Variants in FBN1 observed in about 807,000 individuals in gnomAD.
FBN1 encodes fibrillin 1, also known as fibrillin-1.
FBN1 carries 29 observed loss-of-function variants against 365.1 expected under a neutral mutation model. That is an observed-to-expected ratio of 0.08 (90% confidence interval 0.06 to 0.11). The LOEUF (loss-of-function observed/expected upper bound fraction) is 0.11. Among genes scored for constraint, FBN1 ranks in the 10% least tolerant of loss-of-function variants. FBN1 has a pLI of 1.00. For synonymous variants in FBN1, 1,210 were observed against 1,270.5 expected (o/e 0.95, Z 1.01); for missense variants, 2,476 against 3,703.2 (o/e 0.67, Z 8.60).
chr15:48,435,137 G>C (rs368312743), intron 53 of FBN1, among the ~76,000 whole-genome samples: 18 of 152,232 alleles, frequency 1.2e-4, no homozygotes, highest in African/African-American at 4.1e-4. Flanking sequence ...CTTGCAAAAA[G>C]GGAGTGTGCA....
At chr15:48,435,782 G>GTATATATA (rs1178694998) in intron 53 of FBN1, among the ~76,000 whole-genome samples, 789 of 70,328 alleles carry the variant, frequency 0.011, 11 homozygotes, top group African/African-American at 0.028. Flanking sequence ...ATGTGTGTGT[G>GTATATATA]TGTGTGTGTG....
chr15:48,489,974 C>T lies in FBN1; in HGVS notation c.2959G>A (p.Ala987Thr). The T allele has an allele frequency of 6.2e-7, 1 of 1,614,124 alleles. No homozygotes were observed. The highest frequency in any genetic ancestry group is 8.5e-7 in the Non-Finnish European group (1 of 1,180,022). The change falls in exon 25 of 66, where the codon GCC becomes ACC. Residue 987 changes from alanine (A) to threonine (T), a missense_variant. Ala to Thr is a moderately conservative substitution (Grantham distance 58). This residue lies in a region of FBN1 where 1,780 missense variants were observed against 2,840.8 expected (regional missense o/e 0.63). Transcript: ENST00000316623. ...MDACCCSVGA[A>T]WGTEECEECP... The stretch of plus-strand genomic sequence containing the variant: ...TCCTCGCATTCCTCAGTACCCCAGG[C>T]TGCCCCGACGGAGCAGCAGCAGGCG...
rs143007898 is a variant in FBN1, at chr15:48,411,243, G to C, written c.8363C>G (p.Thr2788Arg). The change falls in exon 66 of 66, where the codon ACG becomes AGG. Residue 2788 changes from threonine to arginine, a missense_variant. Transcript: ENST00000316623. Reference sequence around the variant, plus strand: ...TTCGATCAAGTATCTGTTGTGATTCGTCAGAGTTGTAAGAGCTGGAAGGAG... The same window carrying C: ...TTCGATCAAGTATCTGTTGTGATTCCTCAGAGTTGTAAGAGCTGGAAGGAG... Reference protein sequence around the residue: ...LELLPALTTLTNHNRYLIESG... With the variant: ...LELLPALTTLRNHNRYLIESG... 6.2e-7 allele frequency: 1 copy of C among 1,614,010 alleles called. No homozygotes were observed. Among genetic ancestry groups the C allele is most frequent in the South Asian group, 1.1e-5 (1 of 91,078 alleles).
intron 30 of FBN1, among the ~76,000 whole-genome samples, chr15:48,484,588 C>T (rs2043491038): frequency 1.3e-5 from 2 of 152,194 alleles, no homozygotes; most frequent in South Asian, 4.1e-4. Flanking sequence ...TCAGGCTGGT[C>T]TTGAACTCCT....
intron 15 of FBN1, among the ~76,000 whole-genome samples, chr15:48,505,497 C>T (rs1279398868): frequency 6.6e-6 from 1 of 152,148 alleles, no homozygotes; most frequent in Non-Finnish European, 1.5e-5. Context: ...GTAGCTCTTC[C>T]AGGGCTCTCA....
At chr15:48,433,915 T>C (rs549986375) in intron 54 of FBN1, among the ~76,000 whole-genome samples, 2 of 152,340 alleles carry the variant, frequency 1.3e-5, no homozygotes, top group East Asian at 1.9e-4. Flanking sequence ...TCAGATCACC[T>C]AGAGGGCTGC....
intron 6 of FBN1, among the ~76,000 whole-genome samples, chr15:48,591,141 C>T (rs1444793948): frequency 6.6e-6 from 1 of 152,188 alleles, no homozygotes; most frequent in Non-Finnish European, 1.5e-5. Context: ...ATTCCATGTG[C>T]TTTATGAACC....
intron 62 of FBN1, 65 bp downstream of exon 62, chr15:48,421,493 A>G: frequency 1.9e-6 from 3 of 1,587,080 alleles, no homozygotes; most frequent in South Asian, 2.3e-5. Context: ...TGAAGGTGCC[A>G]ATAGCCACAC....
intron 42 of FBN1, among the ~76,000 whole-genome samples, chr15:48,462,187 C>T (rs558985791): frequency 6.6e-6 from 1 of 152,200 alleles, no homozygotes; most frequent in Non-Finnish European, 1.5e-5. Context: ...GTAGGATTCC[C>T]TTTATAGAAT....
intron 17 of FBN1, among the ~76,000 whole-genome samples, chr15:48,502,866 T>C (rs1243470245): frequency 6.6e-6 from 1 of 152,122 alleles, no homozygotes; most frequent in Non-Finnish European, 1.5e-5. Flanking sequence ...AATAACTAAA[T>C]CCCCTGATTA....
intron 49 of FBN1, among the ~76,000 whole-genome samples, chr15:48,442,812 T>G (rs929727849): frequency 6.6e-6 from 1 of 152,214 alleles, no homozygotes; most frequent in African/African-American, 2.4e-5. Context: ...TCAGCAGGAA[T>G]TTTTAGTGAA....
Position 48,443,110 on chromosome 15 carries a change from G to A in FBN1, c.6038-1264C>T, listed in dbSNP as rs375767045. On this transcript the variant is annotated intron_variant, in intron 49 of 65. Coordinates refer to ENST00000316623, the MANE Select transcript of FBN1 (RefSeq NM_000138.5). ...CCAAGTGATTCTCTTTCTGTGCAAC[G>A]CAAAATCAGCTTCTCCATCATGCCA... is the stretch of plus-strand genomic sequence containing the variant. Among the ~76,000 whole-genome samples, 16 of 152,140 alleles carry A rather than the reference G, an allele frequency of 1.1e-4. No individual in the cohort carries two copies. The East Asian group carries it at 1.2e-3, about 11-fold the overall frequency.
At chr15:48,428,582 T>C in intron 56 of FBN1, 111 bp from the exon 57 acceptor site, 1 of 1,233,706 alleles carries the variant, frequency 8.1e-7, no homozygotes, top group Non-Finnish European at 1.2e-6. Context: ...TTCCCTCCCT[T>C]TGTTCCTTTC....
intron 65 of FBN1, 32 bp from the exon 66 acceptor site, chr15:48,411,411 A>C: frequency 6.2e-7 from 1 of 1,602,052 alleles, no homozygotes; most frequent in Non-Finnish European, 8.5e-7. Context: ...TGTTAAATAC[A>C]ATGTACATAT....
At chr15:48,602,403 T>C (rs1208863461) in intron 4 of FBN1, among the ~76,000 whole-genome samples, 1 of 152,202 alleles carries the variant, frequency 6.6e-6, no homozygotes, top group African/African-American at 2.4e-5. Context: ...CAATACCTCT[T>C]AAGTGCCTAG....
At chr15:48,541,092 A>C (rs1415908382) in intron 6 of FBN1, among the ~76,000 whole-genome samples, 1 of 151,684 alleles carries the variant, frequency 6.6e-6, no homozygotes, top group Non-Finnish European at 1.5e-5. Context: ...TGAATTTCTC[A>C]TTGGAAGATC....
intron 57 of FBN1, 45 bp downstream of exon 57, chr15:48,428,301 G>C (rs1364362635): frequency 1.2e-6 from 2 of 1,608,124 alleles, no homozygotes; most frequent in Admixed American, 1.7e-5. Flanking sequence ...CAGCATCCCA[G>C]TGTGGAGGCT....
At position 48,494,393 on chromosome 15, in the gene FBN1, A is replaced by G. The variant is rs2043586402; in HGVS notation, c.2678-139T>C. 6 of 710,514 alleles carry G rather than the reference A, an allele frequency of 8.4e-6. No individual in the cohort carries two copies. In the East Asian group the frequency reaches 1.3e-4, roughly 16 times the overall value. The allele number at this position is 710,514 out of a possible 1,614,324, so 44.0% of individuals were successfully genotyped here. On this transcript the variant is annotated intron_variant, in intron 22 of 65. Coordinates refer to ENST00000316623, the MANE Select transcript of FBN1 (RefSeq NM_000138.5). ...GATTGTGTTGCTATAAGTATGAGAT[A>G]ACAAAATGTTTCTGCGATTGCATAG...
At position 48,625,346 on chromosome 15, in the gene FBN1, C is replaced by T. The variant is rs148509403; in HGVS notation, c.165-12254G>A. Among the ~76,000 whole-genome samples, 220 of 152,228 alleles carry T rather than the reference C, an allele frequency of 1.4e-3. 1 individual carries two copies. Among genetic ancestry groups the T allele is most frequent in the African/African-American group, 5.1e-3 (211 of 41,524 alleles). Reference sequence around the variant, plus strand: ...TGTTTCTATGGGAAAACACATTCCACGGCAGGCAACCAGAGGAAAACTTGG... The same window carrying T: ...TGTTTCTATGGGAAAACACATTCCATGGCAGGCAACCAGAGGAAAACTTGG... On this transcript the variant is annotated intron_variant, in intron 2 of 65. Transcript: ENST00000316623.
Sources: gnomAD v4.1 joint callset for allele counts (sites outside exome capture counted in the v4.1 genomes callset) on GRCh38, gnomAD v4.1.1 for gene constraint, gnomAD v4.1.1 regional missense constraint, MANE v1.5 for transcripts, NCBI Gene and HGNC (gene_info 2026-07-23, HGNC 2026-07-21) for gene names.